The following RRAGD variants were observed in gnomAD, a reference collection of about 807,000 sequenced individuals.
The protein encoded by RRAGD is ras-related GTP-binding protein D.
In RRAGD, 12 loss-of-function variants were observed where a neutral mutation model predicts 35.5. The observed-to-expected ratio is 0.34, with a 90% CI of 0.22 to 0.55. The LOEUF (loss-of-function observed/expected upper bound fraction) is 0.55. Among genes scored for constraint, RRAGD ranks in the 20% least tolerant of loss-of-function variants. RRAGD has a pLI of 0.91. For synonymous variants in RRAGD, 155 were observed against 178.9 expected, an observed-to-expected ratio of 0.87 and a Z score of 1.07; for missense variants, 324 against 490.1, an observed-to-expected ratio of 0.66 and a Z score of 3.20.
rs577951954 is a variant in RRAGD, at chr6:89,401,452, C to T, written c.148+10394G>A. Among the ~76,000 whole-genome samples, 6 of 152,218 alleles carry T rather than the reference C, an allele frequency of 3.9e-5. No homozygotes were observed. The East Asian group carries it at 1.2e-3, about 29-fold the overall frequency. On this transcript the variant is annotated intron_variant, in intron 1 of 6. Transcript: ENST00000369415. ...TTTATATTTTTAGTAGACAGGGTTT[C>T]GCCATGTTGACCAGGCTGGTCTTGA...
At position 89,377,724 on chromosome 6, in the gene RRAGD, A is replaced by G; in HGVS notation, c.849T>C (p.Tyr283=). ...CATCTATCATATCACAGCAGAGCTC[A>G]TAGGTTTGCATATCCACCGGAGTAC... The part of the protein sequence containing the change: ...TDSTPVDMQT[Y]ELCCDMIDVV... The change falls in exon 5 of 7, where the codon TAT becomes TAC. Residue 283 remains tyrosine (Y), a synonymous_variant. Transcript: ENST00000369415. 6.2e-7 allele frequency: 1 copy of G among 1,612,284 alleles called. No individual in the cohort carries two copies. Among genetic ancestry groups the G allele is most frequent in the Non-Finnish European group, 8.5e-7 (1 of 1,178,906 alleles).
intron 2 of RRAGD, among the ~76,000 whole-genome samples, chr6:89,386,681 T>G (rs545467620): frequency 6.6e-6 from 1 of 152,312 alleles, no homozygotes; most frequent in South Asian, 2.1e-4. Context: ...AGTTTCTCAG[T>G]GCTTATAACT....
At chr6:89,370,947 ATTAC>A (rs1768844753) in intron 6 of RRAGD, among the ~76,000 whole-genome samples, 1 of 149,544 alleles carries the variant, frequency 6.7e-6, no homozygotes, top group Non-Finnish European at 1.5e-5. Flanking sequence ...AAAAGAATCT[ATTAC>A]TTTTCTGATA....
chr6:89,405,172 A>C (rs974054254), intron 1 of RRAGD, among the ~76,000 whole-genome samples: 2 of 151,914 alleles, frequency 1.3e-5, no homozygotes, highest in African/African-American at 2.4e-5. Flanking sequence ...AACACGGTGA[A>C]AACCCGTCTC....
chr6:89,395,093 C>CA (rs992735779), intron 1 of RRAGD, among the ~76,000 whole-genome samples: 5 of 151,390 alleles, frequency 3.3e-5, no homozygotes, highest in South Asian at 2.1e-4. Flanking sequence ...CTCATCTCTA[C>CA]AAAAAAAATT....
Position 89,382,978 on chromosome 6 carries a change from C to T in RRAGD, c.445-2611G>A, listed in dbSNP as rs79184275. On this transcript the variant is annotated intron_variant, in intron 2 of 6. Transcript: ENST00000369415. ...CTAAAGGTATTACTGTATGGTTCCA[C>T]ATAGATGAAATTCTAGAAAAGGCAA... Among the ~76,000 whole-genome samples, 1,270 of 152,302 alleles carry T rather than the reference C, an allele frequency of 8.3e-3. 16 individuals carry two copies. Among genetic ancestry groups the T allele is most frequent in the African/African-American group, 0.029 (1,195 of 41,564 alleles).
At chr6:89,381,078 G>A (rs1012703135) in intron 2 of RRAGD, among the ~76,000 whole-genome samples, 3 of 152,200 alleles carry the variant, frequency 2.0e-5, no homozygotes, top group African/African-American at 4.8e-5. Flanking sequence ...GGCGGGTGGG[G>A]AAGGAGCTGA....
chr6:89,382,869 C>G (rs1185462260), intron 2 of RRAGD, among the ~76,000 whole-genome samples: 1 of 151,286 alleles, frequency 6.6e-6, no homozygotes, highest in Non-Finnish European at 1.5e-5. Flanking sequence ...GAGCAAGACT[C>G]CATCTCAAAA....
intron 4 of RRAGD, among the ~76,000 whole-genome samples, chr6:89,378,074 C>T (rs58834259): frequency 0.037 from 5,665 of 152,230 alleles, 365 homozygotes; most frequent in African/African-American, 0.13. Context: ...GAGGCCAAGG[C>T]GGGCAGATCA....
At chr6:89,405,923 A>T (rs1038675122) in intron 1 of RRAGD, among the ~76,000 whole-genome samples, 2 of 152,202 alleles carry the variant, frequency 1.3e-5, no homozygotes, top group Non-Finnish European at 2.9e-5. Context: ...GAATCATATG[A>T]CTAATACTAC....
chr6:89,366,940 T>C lies in RRAGD; in HGVS notation c.*1116A>G, dbSNP rs1768761246. The C allele has an allele frequency of 6.6e-6, 1 of 152,178 alleles. No individual in the cohort carries two copies. The highest frequency in any genetic ancestry group is 2.4e-5 in the African/African-American group (1 of 41,420). 9.4% of individuals were successfully genotyped at this position (152,178 alleles called of 1,614,324 possible). On this transcript the variant is annotated 3_prime_UTR_variant, in exon 7 of 7. Coordinates refer to ENST00000369415, the MANE Select transcript of RRAGD (RefSeq NM_021244.5). ...ATAAGGTGGGAACAAGTGGAGTACA[T>C]GAGGCATGTTATCACCAGTGAGAAG...
intron 4 of RRAGD, 132 bp from the exon 5 acceptor site, chr6:89,377,945 G>A (rs1768974278): frequency 3.0e-6 from 2 of 658,808 alleles, no homozygotes; most frequent in Admixed American, 6.6e-5. Context: ...AATTTAAATT[G>A]TATCATTTTA....
At chr6:89,387,254 G>C in intron 2 of RRAGD, 41 bp downstream of exon 2, 1 of 1,583,060 alleles carries the variant, frequency 6.3e-7, no homozygotes. Context: ...GGGTGGAGGG[G>C]ACCGGCCAGG....
chr6:89,412,089 G>A lies in RRAGD; in HGVS notation c.-96C>T. On this transcript the variant is annotated 5_prime_UTR_variant, in exon 1 of 7. Coordinates refer to ENST00000369415, the MANE Select transcript of RRAGD (RefSeq NM_021244.5). This position sits in a 1 kb window ranked among gnomAD's most constrained non-coding sequence, Gnocchi z 4.2. ...GCCCGCAGCCTATTTCTGAAGCGGA[G>A]GTTTGTCTAGAGCTCAGCGGGGCCC... is the stretch of plus-strand genomic sequence containing the variant. 2.3e-6 allele frequency: 3 copies of A among 1,305,030 alleles called. No homozygotes were observed. The highest frequency in any genetic ancestry group is 3.0e-6 in the Non-Finnish European group (3 of 986,606). The allele number at this position is 1,305,030 out of a possible 1,614,324, so 80.8% of individuals were successfully genotyped here.
intron 2 of RRAGD, among the ~76,000 whole-genome samples, chr6:89,383,798 G>A (rs2127889294): frequency 6.6e-6 from 1 of 152,252 alleles, no homozygotes; most frequent in East Asian, 1.9e-4. Flanking sequence ...ATAAAAATAT[G>A]AGGAGTGAGA....
chr6:89,406,149 A>G (rs1769573905), intron 1 of RRAGD, among the ~76,000 whole-genome samples: 2 of 152,204 alleles, frequency 1.3e-5, no homozygotes, highest in South Asian at 4.1e-4. Flanking sequence ...CCACATATGA[A>G]TATTTCCTTA....
chr6:89,369,785 T>C (rs1768826084), intron 6 of RRAGD, among the ~76,000 whole-genome samples: 1 of 152,222 alleles, frequency 6.6e-6, no homozygotes, highest in Non-Finnish European at 1.5e-5. Flanking sequence ...GTTTGGAATT[T>C]TAAGTAAAAG....
Position 89,410,265 on chromosome 6 carries a change from C to T in RRAGD, c.148+1581G>A, listed in dbSNP as rs912815884. 3.3e-5 allele frequency among the ~76,000 whole-genome samples: 5 copies of T among 152,262 alleles called. No individual in the cohort carries two copies. In the East Asian group the frequency reaches 9.7e-4, roughly 29 times the overall value. On this transcript the variant is annotated intron_variant, in intron 1 of 6. Coordinates refer to ENST00000369415, the MANE Select transcript of RRAGD (RefSeq NM_021244.5). ...CTTTCCCTCCTGGATATGGCCCCTC[C>T]GCCCCCCCACTTTTTTTCTTTTTTA...
In RRAGD at chr6:89,402,143, G is replaced by T. The variant is rs1285655940; in HGVS notation, c.148+9703C>A. On this transcript the variant is annotated intron_variant, in intron 1 of 6. Coordinates refer to ENST00000369415, the MANE Select transcript of RRAGD (RefSeq NM_021244.5). ...GCTCACTGCAACCTCCGCCTCCCAG[G>T]TTCAATCAGTTCTCCTGCCTCAGCC... Among the ~76,000 whole-genome samples the T allele has an allele frequency of 9.1e-5, 13 of 143,198 alleles. 2 individuals carry two copies. Among genetic ancestry groups the T allele is most frequent in the Admixed American group, 8.7e-4 (12 of 13,730 alleles). 93.9% of individuals were successfully genotyped at this position (143,198 alleles called of 152,430 possible).
Sources: gnomAD v4.1 joint callset for allele counts (sites outside exome capture counted in the v4.1 genomes callset) on GRCh38, gnomAD v4.1.1 for gene constraint, Gnocchi (gnomAD v3.1) non-coding constraint, MANE v1.5 for transcripts, NCBI Gene and HGNC (gene_info 2026-07-23, HGNC 2026-07-21) for gene names.